PDZRN4: variants seen among roughly 807,000 people sequenced by gnomAD.
PDZRN4 encodes PDZ domain containing ring finger 4, also known as PDZ domain-containing RING finger protein 4.
In PDZRN4, 70 loss-of-function variants were observed where a neutral mutation model predicts 99.0. That is an observed-to-expected ratio of 0.71 (90% CI 0.58 to 0.86). The LOEUF (loss-of-function observed/expected upper bound fraction) is 0.86. Among genes scored for constraint, PDZRN4 ranks in the 40% least tolerant of loss-of-function variants. The pLI is 0.00. For synonymous variants in PDZRN4, 551 were observed against 501.6 expected, an observed-to-expected ratio of 1.10 and a Z score of -1.32; for missense variants, 1,474 against 1,331.2, an observed-to-expected ratio of 1.11 and a Z score of -1.67.
In PDZRN4 at chr12:41,573,011, C is replaced by T. The variant is rs780490376; in HGVS notation, c.2232C>T (p.Ser744=). Residue 744 remains serine (S), a synonymous_variant, in exon 10 of 10, where the codon AGC becomes AGT. Coordinates refer to ENST00000402685, the MANE Select transcript of PDZRN4 (RefSeq NM_001164595.2). ...DSSSAYNTAE[S]CRSTPLTVDR... is the part of the protein sequence containing the mutation. ...CTAGTGCTTACAACACAGCTGAGAG[C>T]TGCAGAAGTACTCCGCTCACTGTAG... The T allele has an allele frequency of 6.2e-7, 1 of 1,614,152 alleles. No individual in the cohort carries two copies. Among genetic ancestry groups the T allele is most frequent in the Non-Finnish European group, 8.5e-7 (1 of 1,180,014 alleles).
chr12:41,349,153 C>T (rs1951874286), intron 3 of PDZRN4, among the ~76,000 whole-genome samples: 1 of 151,742 alleles, frequency 6.6e-6, no homozygotes, highest in African/African-American at 2.4e-5. Context: ...TAACAAAAAG[C>T]TCTTTGGAAT....
chr12:41,195,390 G>A (rs1950764174), intron 3 of PDZRN4, among the ~76,000 whole-genome samples: 1 of 152,056 alleles, frequency 6.6e-6, no homozygotes, highest in Admixed American at 6.5e-5. Flanking sequence ...CTATCAGAAT[G>A]GAGGCAGATT....
chr12:41,357,615 T>A (rs1951936824), intron 3 of PDZRN4, among the ~76,000 whole-genome samples: 1 of 152,028 alleles, frequency 6.6e-6, no homozygotes, highest in Non-Finnish European at 1.5e-5. Flanking sequence ...GAGTAATTCC[T>A]ACATTCATGG....
chr12:41,382,813 G>A (rs542003175), intron 3 of PDZRN4, among the ~76,000 whole-genome samples: 43 of 152,238 alleles, frequency 2.8e-4, no homozygotes, highest in East Asian at 9.6e-4. Flanking sequence ...GCACAAGAAC[G>A]TGTTAAGAAA....
chr12:41,541,578 C>A (rs546515325), intron 5 of PDZRN4, among the ~76,000 whole-genome samples: 1 of 151,710 alleles, frequency 6.6e-6, no homozygotes, highest in African/African-American at 2.4e-5. Flanking sequence ...CTCAGCCTCC[C>A]GAGTAGCTGG....
At chr12:41,421,952 A>G (rs921815827) in intron 3 of PDZRN4, among the ~76,000 whole-genome samples, 11 of 152,192 alleles carry the variant, frequency 7.2e-5, no homozygotes, top group African/African-American at 2.4e-4. Flanking sequence ...TCTACTGATA[A>G]TTCTGTTTTG....
chr12:41,457,363 G>A (rs1475696066), intron 3 of PDZRN4, among the ~76,000 whole-genome samples: 1 of 152,202 alleles, frequency 6.6e-6, no homozygotes, highest in Non-Finnish European at 1.5e-5. Context: ...CAGGTGCTTT[G>A]TAAAGTGGGA....
chr12:41,503,123 GA>G (rs555971923), intron 3 of PDZRN4, among the ~76,000 whole-genome samples: 43 of 150,018 alleles, frequency 2.9e-4, no homozygotes, highest in African/African-American at 8.3e-4. Flanking sequence ...CAAGTGAAGT[GA>G]AAAAAAAATG....
Position 41,573,056 on chromosome 12 carries a change from C to A in PDZRN4, c.2277C>A (p.Ser759=). 1 of 1,614,108 alleles carries A rather than the reference C, an allele frequency of 6.2e-7. No individual in the cohort carries two copies. The highest frequency in any genetic ancestry group is 8.5e-7 in the Non-Finnish European group (1 of 1,180,004). The change falls in exon 10 of 10, where the codon TCC becomes TCA. Residue 759 remains serine (S), a synonymous_variant. Coordinates refer to ENST00000402685, the MANE Select transcript of PDZRN4 (RefSeq NM_001164595.2). ...PLTVDRSPDS[S]LPRVINLTNK... ...CTGTAGACCGTTCCCCTGACAGTTC[C>A]CTTCCAAGGGTGATCAACCTCACCA... is the stretch of plus-strand genomic sequence containing the variant.
intron 3 of PDZRN4, among the ~76,000 whole-genome samples, chr12:41,251,161 C>A (rs750392955): frequency 6.6e-6 from 1 of 152,064 alleles, no homozygotes; most frequent in Admixed American, 6.6e-5. Context: ...TGGTACCCAT[C>A]AAGTGGAAAG....
intron 3 of PDZRN4, among the ~76,000 whole-genome samples, chr12:41,444,230 T>A (rs1385040897): frequency 1.3e-5 from 2 of 152,114 alleles, no homozygotes; most frequent in African/African-American, 4.8e-5. Context: ...AGCCTTTAAT[T>A]TTAGGCTCCA....
At chr12:41,448,420 G>T (rs1952747671) in intron 3 of PDZRN4, among the ~76,000 whole-genome samples, 1 of 152,004 alleles carries the variant, frequency 6.6e-6, no homozygotes, top group South Asian at 2.1e-4. Context: ...TTTTCACTGA[G>T]TCCAGGACAG....
intron 3 of PDZRN4, among the ~76,000 whole-genome samples, chr12:41,421,191 A>AG (rs1952486477): frequency 6.6e-6 from 1 of 152,126 alleles, no homozygotes; most frequent in Non-Finnish European, 1.5e-5. Flanking sequence ...TAATGTTATT[A>AG]GACTACTATT....
chr12:41,243,350 G>A (rs551100148), intron 3 of PDZRN4, among the ~76,000 whole-genome samples: 3 of 152,176 alleles, frequency 2.0e-5, no homozygotes, highest in African/African-American at 4.8e-5. Flanking sequence ...AATTGTTCTG[G>A]TATTACAATG....
intron 3 of PDZRN4, among the ~76,000 whole-genome samples, chr12:41,348,927 G>T (rs1424190094): frequency 6.6e-6 from 1 of 151,798 alleles, no homozygotes; most frequent in Admixed American, 6.6e-5. Context: ...GTCCCTTTGT[G>T]TTCCATCTAT....
At chr12:41,273,969 A>G (rs1414359318) in intron 3 of PDZRN4, among the ~76,000 whole-genome samples, 1 of 152,130 alleles carries the variant, frequency 6.6e-6, no homozygotes, top group African/African-American at 2.4e-5. Flanking sequence ...CAGCAACCAT[A>G]GAAATATGGG....
At chr12:41,243,413 T>C (rs1241075283) in intron 3 of PDZRN4, among the ~76,000 whole-genome samples, 1 of 152,172 alleles carries the variant, frequency 6.6e-6, no homozygotes, top group Non-Finnish European at 1.5e-5. Flanking sequence ...CAAGGAAAAA[T>C]ATTGATTTTA....
intron 3 of PDZRN4, among the ~76,000 whole-genome samples, chr12:41,439,695 T>C (rs1372229961): frequency 2.6e-5 from 4 of 152,192 alleles, no homozygotes; most frequent in Non-Finnish European, 5.9e-5. Context: ...CCATGCTCTT[T>C]ATTGCCTCTA....
intron 3 of PDZRN4, among the ~76,000 whole-genome samples, chr12:41,240,751 G>A (rs1951096782): frequency 6.6e-6 from 1 of 152,232 alleles, no homozygotes; most frequent in East Asian, 1.9e-4. Flanking sequence ...TGGTGGACGG[G>A]GCCAGCTAAC....
Sources: gnomAD v4.1 joint callset for allele counts (sites outside exome capture counted in the v4.1 genomes callset) on GRCh38, gnomAD v4.1.1 for gene constraint, MANE v1.5 for transcripts, NCBI Gene and HGNC (gene_info 2026-07-23, HGNC 2026-07-21) for gene names.